The following MED23 variants were observed in gnomAD, a reference collection of about 807,000 sequenced individuals.
MED23 encodes mediator complex subunit 23.
In MED23, 105 loss-of-function variants were observed where a neutral mutation model predicts 163.9. The observed-to-expected ratio is 0.64, with a 90% CI of 0.55 to 0.75. The LOEUF (loss-of-function observed/expected upper bound fraction) is 0.75, where lower values mean the gene tolerates loss of function less well. Ranked by LOEUF, MED23 falls within the 30% of genes least tolerant of loss-of-function variation. The pLI, the probability that MED23 is intolerant of heterozygous loss-of-function variation, is 0.00. For missense variants in MED23, 1,054 were observed against 1,649.0 expected, an observed-to-expected ratio of 0.64 and a Z score of 6.25; for synonymous variants, 561 against 565.6, an observed-to-expected ratio of 0.99 and a Z score of 0.12.
At chr6:131,575,032 T>C (rs1773547315) in intron 30 of MED23, among the ~76,000 whole-genome samples, 1 of 152,140 alleles carries the variant, frequency 6.6e-6, no homozygotes. Context: ...GCTTAGAAAG[T>C]CGGTGGAGCT....
At chr6:131,600,929 A>G (rs1775427396) in intron 17 of MED23, among the ~76,000 whole-genome samples, 2 of 152,176 alleles carry the variant, frequency 1.3e-5, no homozygotes, top group African/African-American at 2.4e-5. Flanking sequence ...TTAACATCAT[A>G]TGTAACAAAA....
At chr6:131,582,813 A>C (rs1774002212), downstream of MED23, 1 of 987,390 alleles carries the variant, frequency 1.0e-6, no homozygotes. Context: ...TTAAACATCA[A>C]GACACACACA....
chr6:131,578,664 A>G (rs1271309055), intron 30 of MED23, among the ~76,000 whole-genome samples: 1 of 152,154 alleles, frequency 6.6e-6, no homozygotes, highest in Non-Finnish European at 1.5e-5. Flanking sequence ...AAAATACACC[A>G]GTGCTTTCTA....
Position 131,596,158 on chromosome 6 carries a change from A to G in MED23, c.2784T>C (p.Tyr928=), listed in dbSNP as rs1190590902. 1.9e-6 allele frequency: 3 copies of G among 1,613,622 alleles called. No homozygotes were observed. The highest frequency in any genetic ancestry group is 2.2e-5 in the East Asian group (1 of 44,888). ...HTKHMNYHKK[Y]PEKLYFEGLA... is the part of the protein sequence containing the mutation. ...GGCCCTCAAAATACAACTTCTCTGG[A>G]TATTTCTGTGGAATTGAGAAGATGA... The change falls in exon 22 of 29, where the codon TAT becomes TAC. Residue 928 remains tyrosine (Y), a synonymous_variant. Transcript: ENST00000368068.
chr6:131,575,831 G>A (rs1484540089), intron 30 of MED23, among the ~76,000 whole-genome samples: 2 of 152,132 alleles, frequency 1.3e-5, no homozygotes, highest in Non-Finnish European at 2.9e-5. Context: ...AAACGGCAAG[G>A]GTAGAACTTC....
chr6:131,622,002 G>C (rs899910643), intron 5 of MED23, 23 bp from the exon 6 acceptor site: 6 of 1,558,106 alleles, frequency 3.9e-6, no homozygotes, highest in Non-Finnish European at 5.3e-6. Flanking sequence ...AAAAGACATG[G>C]GTTAAAATTA....
At chr6:131,595,637 G>A (rs1459121442) in intron 22 of MED23, among the ~76,000 whole-genome samples, 4 of 151,928 alleles carry the variant, frequency 2.6e-5, no homozygotes, top group East Asian at 1.9e-4. Flanking sequence ...CTTCTGCCTC[G>A]TGTGCTATAT....
chr6:131,582,193 C>T (rs937628366), downstream of MED23, among the ~76,000 whole-genome samples: 17 of 152,156 alleles, frequency 1.1e-4, no homozygotes, highest in Non-Finnish European at 1.5e-4. Context: ...AAAAACTAAA[C>T]GTCCTGGAGG....
At chr6:131,615,373 A>T (rs755358632) in intron 10 of MED23, 2 of 1,605,894 alleles carry the variant, frequency 1.2e-6, no homozygotes, top group Non-Finnish European at 8.5e-7. Context: ...AGGACAAGAC[A>T]GGACAGAACA....
chr6:131,602,474 A>T, intron 16 of MED23, 93 bp from the exon 17 acceptor site: 1 of 1,146,140 alleles, frequency 8.7e-7, no homozygotes, highest in East Asian at 2.5e-5. Flanking sequence ...CATGCAATCT[A>T]TGACTATCCC....
At chr6:131,616,101 A>G in intron 9 of MED23, 99 bp from the exon 10 acceptor site, 1 of 923,978 alleles carries the variant, frequency 1.1e-6, no homozygotes, top group East Asian at 2.6e-5. Context: ...GGCACTTGTT[A>G]CCTTCACAGA....
intron 25 of MED23, 112 bp downstream of exon 25, chr6:131,592,276 A>C (rs1774700029): frequency 1.1e-6 from 1 of 895,854 alleles, no homozygotes; most frequent in African/African-American, 1.7e-5. Context: ...TACTTCATTA[A>C]TTTGCATGAC....
intron 30 of MED23, chr6:131,581,480 T>G (rs542808092): frequency 1.7e-4 from 229 of 1,336,158 alleles, no homozygotes; most frequent in Non-Finnish European, 2.2e-4. Flanking sequence ...ATTCTTGGTG[T>G]AATCTCAAAT....
chr6:131,596,295 ACTT>A (rs1279152012), intron 21 of MED23, 132 bp from the exon 22 acceptor site: 5 of 926,814 alleles, frequency 5.4e-6, no homozygotes, highest in Admixed American at 4.5e-5. Context: ...ATTATACTTT[ACTT>A]CTTTTTATAG....
At chr6:131,596,218 A>C in intron 21 of MED23, 55 bp from the exon 22 acceptor site, 2 of 1,451,636 alleles carry the variant, frequency 1.4e-6, no homozygotes, top group Non-Finnish European at 1.9e-6. Flanking sequence ...AAATTCTCTT[A>C]AAAGAGCTAA....
chr6:131,581,724 TC>T (rs1225829191), intron 30 of MED23, among the ~76,000 whole-genome samples: 6 of 152,170 alleles, frequency 3.9e-5, no homozygotes, highest in African/African-American at 1.4e-4. Flanking sequence ...TAGCACCAGG[TC>T]TCCTCATTCC....
At chr6:131,609,598 A>C (rs1026649116) in intron 11 of MED23, among the ~76,000 whole-genome samples, 1 of 138,480 alleles carries the variant, frequency 7.2e-6, no homozygotes, top group Non-Finnish European at 1.5e-5. Flanking sequence ...CTGCAACCTT[A>C]GGGACTATTA....
At chr6:131,596,213 C>A (rs575736354) in intron 21 of MED23, 50 bp from the exon 22 acceptor site, 195 of 1,505,158 alleles carry the variant, frequency 1.3e-4, no homozygotes, top group Middle Eastern at 1.7e-4. Flanking sequence ...TTAAAAAATT[C>A]TCTTAAAAGA....
intron 26 of MED23, among the ~76,000 whole-genome samples, chr6:131,590,991 T>C (rs1052817750): frequency 6.7e-6 from 1 of 149,986 alleles, no homozygotes; most frequent in Non-Finnish European, 1.5e-5. Context: ...ACAATTTTTT[T>C]TTTTTTTTCA....
Sources: allele counts gnomAD v4.1 joint callset (sites outside exome capture counted in the v4.1 genomes callset), GRCh38; gene constraint gnomAD v4.1.1; transcripts MANE v1.5; gene names NCBI Gene and HGNC (gene_info 2026-07-23, HGNC 2026-07-21).